CALCR: variants seen among roughly 807,000 people sequenced by gnomAD.
The protein encoded by CALCR is calcitonin receptor.
In CALCR, 47 loss-of-function variants were observed where a neutral mutation model predicts 59.5. The observed-to-expected ratio is 0.79, with a 90% CI of 0.63 to 1.01. The LOEUF is 1.01. Among genes scored for constraint, CALCR ranks in the 50% least tolerant of loss-of-function variants. The pLI, the probability that CALCR is intolerant of heterozygous loss-of-function variation, is 0.00. For missense variants in CALCR, 566 were observed against 597.1 expected (o/e 0.95, Z 0.54); for synonymous variants, 213 against 211.3 (o/e 1.01, Z -0.07).
intron 12 of CALCR, 75 bp from the exon 13 acceptor site, chr7:93,434,369 C>CAAAAATACAGTTGAAGTTATTTTTGTG: frequency 1.1e-6 from 1 of 951,696 alleles, no homozygotes; most frequent in Non-Finnish European, 1.7e-6. Context: ...ATATAATAGA[C>CAAAAATACAGTTGAAGTTATTTTTGTG]TGCCCAGAGA....
At chr7:93,448,165 G>A (rs1247709564) in intron 8 of CALCR, among the ~76,000 whole-genome samples, 3 of 151,856 alleles carry the variant, frequency 2.0e-5, no homozygotes, top group African/African-American at 7.3e-5. Context: ...GATACATTTC[G>A]TGTGCACAAA....
chr7:93,546,576 C>CA (rs1266193580), intron 2 of CALCR, among the ~76,000 whole-genome samples: 2 of 141,896 alleles, frequency 1.4e-5, no homozygotes, highest in East Asian at 2.0e-4. Flanking sequence ...TTTTTCTTTT[C>CA]TTTTTTTTTT....
chr7:93,447,457 G>C (rs1356208965), intron 8 of CALCR, among the ~76,000 whole-genome samples: 6 of 151,976 alleles, frequency 3.9e-5, no homozygotes, highest in African/African-American at 1.4e-4. Context: ...TTGTTTTTGA[G>C]AAACAAGACC....
chr7:93,490,055 T>C (rs1801040059), intron 2 of CALCR, among the ~76,000 whole-genome samples: 1 of 151,818 alleles, frequency 6.6e-6, no homozygotes, highest in Non-Finnish European at 1.5e-5. Context: ...AAAAAACGTA[T>C]CCACCATGAT....
intron 3 of CALCR, chr7:93,482,775 T>G (rs1465436035): frequency 1.9e-6 from 1 of 533,624 alleles, no homozygotes; most frequent in Middle Eastern, 3.2e-4. Context: ...CATCTTATCA[T>G]TCTTGCAATA....
At chr7:93,480,518 G>T (rs1800772727) in intron 3 of CALCR, among the ~76,000 whole-genome samples, 1 of 151,722 alleles carries the variant, frequency 6.6e-6, no homozygotes, top group African/African-American at 2.4e-5. Context: ...CAATTGTATT[G>T]ATGGCAGAAG....
intron 2 of CALCR, among the ~76,000 whole-genome samples, chr7:93,519,428 T>C (rs972445314): frequency 1.3e-5 from 2 of 152,084 alleles, no homozygotes; most frequent in Non-Finnish European, 2.9e-5. Flanking sequence ...TAACCACTCT[T>C]AGCCTCAGTT....
At chr7:93,521,984 G>A (rs1008352286) in intron 2 of CALCR, among the ~76,000 whole-genome samples, 2 of 151,950 alleles carry the variant, frequency 1.3e-5, no homozygotes, top group South Asian at 2.1e-4. Context: ...AGTGAATTCC[G>A]TTTCCCTTTC....
chr7:93,573,364 T>C (rs1311411745), intron 2 of CALCR, among the ~76,000 whole-genome samples: 2 of 152,230 alleles, frequency 1.3e-5, no homozygotes, highest in East Asian at 3.8e-4. Flanking sequence ...CTTTGACTTA[T>C]TTTGAACATT....
At chr7:93,524,494 T>G (rs1392852027) in intron 2 of CALCR, among the ~76,000 whole-genome samples, 1 of 152,110 alleles carries the variant, frequency 6.6e-6, no homozygotes, top group African/African-American at 2.4e-5. Flanking sequence ...CATACATTTC[T>G]GGTTTTCTTT....
intron 2 of CALCR, among the ~76,000 whole-genome samples, chr7:93,543,085 T>C (rs961516529): frequency 1.1e-4 from 16 of 152,182 alleles, no homozygotes; most frequent in Admixed American, 2.0e-4. Context: ...CACATAATTG[T>C]ATATGCCACA....
intron 2 of CALCR, among the ~76,000 whole-genome samples, chr7:93,508,184 T>C (rs1316090588): frequency 2.0e-5 from 3 of 152,212 alleles, no homozygotes; most frequent in African/African-American, 7.2e-5. Flanking sequence ...TGTGCACTTA[T>C]TTCACAAATG....
At position 93,477,551 on chromosome 7, in the gene CALCR, A is replaced by C. The variant is rs773277010; in HGVS notation, c.316+7T>G. On this transcript the variant is annotated splice_region_variant and intron_variant, in intron 5 of 13. Coordinates refer to ENST00000426151, the MANE Select transcript of CALCR (RefSeq NM_001742.4). Reference sequence around the variant, plus strand: ...GCAAGAACATAAAATGAAAATAAACACTCTACCTGATGGATCAAAATCCGG... The same window carrying C: ...GCAAGAACATAAAATGAAAATAAACCCTCTACCTGATGGATCAAAATCCGG... The C allele has an allele frequency of 1.3e-6, 2 of 1,565,406 alleles. No homozygotes were observed.
chr7:93,455,999 G>A (rs1407509095), intron 8 of CALCR, among the ~76,000 whole-genome samples: 1 of 152,040 alleles, frequency 6.6e-6, no homozygotes, highest in Non-Finnish European at 1.5e-5. Flanking sequence ...CCTAGAGAGA[G>A]CAACCCTATG....
Position 93,486,992 on chromosome 7 carries a change from T to G in CALCR, c.-11A>C. 6.3e-7 allele frequency: 1 copy of G among 1,574,836 alleles called. No homozygotes were observed. Among genetic ancestry groups the G allele is most frequent in the Non-Finnish European group, 8.7e-7 (1 of 1,147,516 alleles). ...AAATGTGAACCTCATTTTTGATTTT[T>G]GAAGATCTCTTTGTCCTAGAAAAAT... On this transcript the variant is annotated 5_prime_UTR_variant, in exon 3 of 14. Coordinates refer to ENST00000426151, the MANE Select transcript of CALCR (RefSeq NM_001742.4).
chr7:93,458,973 G>C (rs1303454986), intron 8 of CALCR, among the ~76,000 whole-genome samples: 2 of 152,156 alleles, frequency 1.3e-5, no homozygotes, highest in Non-Finnish European at 2.9e-5. Context: ...ATAAGGAAAA[G>C]ATTTGTTGTT....
intron 6 of CALCR, among the ~76,000 whole-genome samples, chr7:93,472,132 T>C (rs1800565160): frequency 6.6e-6 from 1 of 151,800 alleles, no homozygotes; most frequent in South Asian, 2.1e-4. Context: ...CTGCCATAAA[T>C]GGACTGATTC....
At chr7:93,525,300 C>T (rs1801853895) in intron 2 of CALCR, among the ~76,000 whole-genome samples, 1 of 151,868 alleles carries the variant, frequency 6.6e-6, no homozygotes, top group South Asian at 2.1e-4. Context: ...TACTTTTTTC[C>T]AATTATTAAA....
intron 9 of CALCR, among the ~76,000 whole-genome samples, chr7:93,442,977 C>A (rs926271738): frequency 3.3e-5 from 5 of 152,102 alleles, no homozygotes; most frequent in African/African-American, 1.2e-4. Flanking sequence ...CTAGAGCATC[C>A]CTGAAGGACT....
Sources: gnomAD v4.1 joint callset for allele counts (sites outside exome capture counted in the v4.1 genomes callset) on GRCh38, gnomAD v4.1.1 for gene constraint, MANE v1.5 for transcripts, NCBI Gene and HGNC (gene_info 2026-07-23, HGNC 2026-07-21) for gene names.